The following TIAM2 variants were observed in gnomAD, a reference collection of about 807,000 sequenced individuals.
TIAM2 encodes TIAM Rac1 associated GEF 2, also known as rho guanine nucleotide exchange factor TIAM2.
TIAM2 carries 80 observed loss-of-function variants against 152.9 expected under a neutral mutation model. That is an observed-to-expected ratio of 0.52 (90% CI 0.44 to 0.63). The LOEUF is 0.63. TIAM2 is among the 30% of genes least tolerant of loss of function. The pLI, the probability that TIAM2 is intolerant of heterozygous loss-of-function variation, is 0.00. For missense variants in TIAM2, 1,965 were observed against 2,120.1 expected (o/e 0.93, Z 1.44); for synonymous variants, 804 against 838.0 (o/e 0.96, Z 0.70).
At chr6:155,000,764 A>T (rs1051927855) in intron 1 of TIAM2, among the ~76,000 whole-genome samples, 11 of 152,194 alleles carry the variant, frequency 7.2e-5, no homozygotes, top group African/African-American at 2.4e-4. Context: ...GCTGGGGATC[A>T]CTTGAGGTTG....
intron 1 of TIAM2, among the ~76,000 whole-genome samples, chr6:155,029,544 T>TAC (rs1562295310): frequency 1.4e-3 from 94 of 67,926 alleles, no homozygotes; most frequent in Non-Finnish European, 1.9e-3. Context: ...ATAATATATA[T>TAC]TATGTAGTAT....
chr6:155,021,292 G>T (rs541243434), intron 1 of TIAM2, among the ~76,000 whole-genome samples: 4 of 151,986 alleles, frequency 2.6e-5, no homozygotes, highest in Non-Finnish European at 5.9e-5. Context: ...ATGGAGTTTC[G>T]CTCTTGTCCC....
At chr6:155,163,523 A>T (rs879761474) in intron 7 of TIAM2, among the ~76,000 whole-genome samples, 4 of 152,198 alleles carry the variant, frequency 2.6e-5, no homozygotes, top group Non-Finnish European at 5.9e-5. Flanking sequence ...TCTGTGGTGT[A>T]AACAGCTGCA....
At chr6:155,216,069 A>G (rs1017226010) in intron 15 of TIAM2, among the ~76,000 whole-genome samples, 1 of 152,004 alleles carries the variant, frequency 6.6e-6, no homozygotes, top group Non-Finnish European at 1.5e-5. Flanking sequence ...TCAGCCTCCC[A>G]ATGTGCTGGG....
At chr6:155,157,534 T>C (rs759638919) in intron 7 of TIAM2, among the ~76,000 whole-genome samples, 4 of 152,072 alleles carry the variant, frequency 2.6e-5, no homozygotes, top group Non-Finnish European at 5.9e-5. Context: ...CTCGAACTCC[T>C]GGGTGCAAGC....
chr6:155,083,367 A>AAAGAGAG (rs1554228972), intron 1 of TIAM2, among the ~76,000 whole-genome samples: 2 of 119,296 alleles, frequency 1.7e-5, no homozygotes, highest in South Asian at 3.1e-4. Context: ...AAAAAAAAAA[A>AAAGAGAG]AGAGAGAGAG....
intron 13 of TIAM2, 93 bp downstream of exon 13, chr6:155,182,411 G>GA: frequency 8.9e-7 from 1 of 1,124,990 alleles, no homozygotes; most frequent in Non-Finnish European, 1.3e-6. Context: ...AGTTTTGTCA[G>GA]AAAAAGGTTG....
chr6:155,202,517 C>T (rs1006187397), intron 14 of TIAM2, among the ~76,000 whole-genome samples: 7 of 152,002 alleles, frequency 4.6e-5, no homozygotes, highest in South Asian at 2.1e-4. Context: ...CTCCTGGGCT[C>T]AAGTGATCCT....
chr6:155,236,299 G>C (rs549240544), intron 15 of TIAM2, among the ~76,000 whole-genome samples: 1 of 151,976 alleles, frequency 6.6e-6, no homozygotes, highest in African/African-American at 2.4e-5. Flanking sequence ...AACGCGAGCT[G>C]TATGAAGAGT....
intron 5 of TIAM2, among the ~76,000 whole-genome samples, chr6:155,144,097 T>C (rs1779772114): frequency 2.0e-5 from 3 of 152,194 alleles, no homozygotes; most frequent in Non-Finnish European, 4.4e-5. Context: ...CCCTCGTTCC[T>C]CTCCAGCCCA....
intron 4 of TIAM2, among the ~76,000 whole-genome samples, chr6:155,131,464 T>A (rs547693447): frequency 1.8e-4 from 28 of 152,338 alleles, no homozygotes; most frequent in African/African-American, 6.0e-4. Context: ...ATTGTCATTA[T>A]TTTTGGTTGA....
At position 155,029,377 on chromosome 6, in the gene TIAM2, A is replaced by G. The variant is rs188786063; in HGVS notation, c.-209+33885A>G. 2.4e-3 allele frequency among the ~76,000 whole-genome samples: 267 copies of G among 112,610 alleles called. 2 individuals are homozygous for G. Among genetic ancestry groups the G allele is most frequent in the Non-Finnish European group, 3.8e-3 (225 of 58,834 alleles). 73.9% of individuals were successfully genotyped at this position (112,610 alleles called of 152,430 possible). A position where few individuals can be genotyped will look rare whatever the true frequency, so the allele number is the denominator to read the frequency against. ...ACGTTATATATAATATATACTATAT[A>G]TACTATGTTATATATATACTATAGT... On this transcript the variant is annotated intron_variant, in intron 1 of 26. Transcript: ENST00000682666.
At chr6:155,031,559 C>CA (rs1776820317) in intron 1 of TIAM2, among the ~76,000 whole-genome samples, 1 of 151,910 alleles carries the variant, frequency 6.6e-6, no homozygotes, top group South Asian at 2.1e-4. Context: ...CCCATCTCTA[C>CA]AAAAAACACA....
At chr6:155,243,033 A>G (rs111706688) in intron 16 of TIAM2, among the ~76,000 whole-genome samples, 12,510 of 151,820 alleles carry the variant, frequency 0.082, 599 homozygotes, top group Non-Finnish European at 0.1. Flanking sequence ...ATGAGACACC[A>G]TGCCTGGCTT....
In TIAM2 at chr6:155,254,680, G is replaced by A. The variant is rs1007774506; in HGVS notation, c.4468+107G>A. ...GTGACTTTTCACTTTGTAAGTCATC[G>A]AGGTACCTTTATCTCCTTTTAAGAA... is the stretch of plus-strand genomic sequence containing the variant. On this transcript the variant is annotated intron_variant, in intron 26 of 26. Transcript: ENST00000682666. 19 of 1,410,046 alleles carry A rather than the reference G, an allele frequency of 1.3e-5. No homozygotes were observed. The South Asian group carries it at 1.7e-4, about 12-fold the overall frequency. 87.3% of individuals were successfully genotyped at this position (1,410,046 alleles called of 1,614,324 possible). A position where few individuals can be genotyped will look rare whatever the true frequency, so the allele number is the denominator to read the frequency against.
chr6:155,149,333 C>G (rs1329153913), intron 7 of TIAM2: 2 of 167,014 alleles, frequency 1.2e-5, no homozygotes, highest in African/African-American at 4.8e-5. Context: ...CTACAGCCCC[C>G]TCCAAAACCA....
At chr6:155,231,141 C>A (rs1562363085) in intron 15 of TIAM2, among the ~76,000 whole-genome samples, 5 of 152,124 alleles carry the variant, frequency 3.3e-5, no homozygotes, top group Admixed American at 1.3e-4. Context: ...TGCACCCGGC[C>A]CTACTTTCTT....
chr6:155,146,783 T>G (rs975665652), intron 6 of TIAM2, among the ~76,000 whole-genome samples: 1 of 147,740 alleles, frequency 6.8e-6, no homozygotes, highest in African/African-American at 2.5e-5. Context: ...TTTTTTTTTT[T>G]TTTTTTTGTA....
chr6:155,015,958 A>AC (rs1778570732), intron 1 of TIAM2, among the ~76,000 whole-genome samples: 1 of 146,702 alleles, frequency 6.8e-6, no homozygotes, highest in Non-Finnish European at 1.5e-5. Context: ...AAAAAAAAAA[A>AC]AAAAAAAAAA....
Sources: allele counts gnomAD v4.1 joint callset (sites outside exome capture counted in the v4.1 genomes callset), GRCh38; gene constraint gnomAD v4.1.1; transcripts MANE v1.5; gene names NCBI Gene and HGNC (gene_info 2026-07-23, HGNC 2026-07-21).